TARDBP: variants seen among roughly 807,000 people sequenced by gnomAD.
TARDBP encodes the protein TAR DNA-binding protein 43.
A neutral mutation model predicts 38.3 loss-of-function variants in TARDBP; 4 were observed. That is an observed-to-expected ratio of 0.10 (90% CI 0.05 to 0.24). TARDBP has a LOEUF of 0.24. Among genes scored for constraint, TARDBP ranks in the 10% least tolerant of loss-of-function variants. The pLI is 1.00. For missense variants in TARDBP, 202 were observed against 521.9 expected, an observed-to-expected ratio of 0.39 and a Z score of 5.97; for synonymous variants, 184 against 183.8, an observed-to-expected ratio of 1.00 and a Z score of -0.01.
downstream of TARDBP, chr1:11,025,871 TTTG>T (rs368784342): frequency 2.4e-3 from 373 of 154,816 alleles, 1 homozygote; most frequent in South Asian, 6.7e-3. Context: ...TAAGAATGAT[TTTG>T]TTGTTGTTGA....
chr1:11,013,385 T>C (rs1234492089), intron 1 of TARDBP, among the ~76,000 whole-genome samples: 2 of 152,230 alleles, frequency 1.3e-5, no homozygotes, highest in Non-Finnish European at 2.9e-5. Flanking sequence ...CCGATTGTCA[T>C]AAAATAGCTA....
downstream of TARDBP, chr1:11,030,020 G>T: frequency 1.7e-6 from 1 of 577,920 alleles, no homozygotes; most frequent in Non-Finnish European, 3.1e-6. Flanking sequence ...TATGGGAAGG[G>T]GGTAATGAGA....
chr1:11,023,583 G>A lies in TARDBP; in HGVS notation c.*929G>A. ...TCTCAATCCTGTGGCTTTGGTGAGA[G>A]AGTGTGCAGAGAGCAATGATAGCAA... On this transcript the variant is annotated 3_prime_UTR_variant, in exon 6 of 6. Transcript: ENST00000240185. 1 of 385,608 alleles carries A rather than the reference G, an allele frequency of 2.6e-6. No homozygotes were observed. The highest frequency in any genetic ancestry group is 4.6e-6 in the Non-Finnish European group (1 of 215,126). The allele number at this position is 385,608 out of a possible 1,614,324, so 23.9% of individuals were successfully genotyped here. A position where few individuals can be genotyped will look rare whatever the true frequency, so the allele number is the denominator to read the frequency against.
At position 11,022,225 on chromosome 1, in the gene TARDBP, A is replaced by G. The variant is rs1643652323; in HGVS notation, c.816A>G (p.Arg272=). ...ACAATAGCAATAGACAGTTAGAAAG[A>G]AGTGGAAGATTTGGTGGTAATCCAG... ...PKHNSNRQLE[R]SGRFGGNPGG... is the part of the protein sequence containing the mutation. Residue 272 remains arginine (R), a synonymous_variant, in exon 6 of 6, where the codon AGA becomes AGG. Transcript: ENST00000240185. The surrounding 1 kb of genome is among the most constrained non-coding windows in gnomAD (Gnocchi z 4.5). 1 of 1,613,858 alleles carries G rather than the reference A, an allele frequency of 6.2e-7. No individual in the cohort carries two copies. Among genetic ancestry groups the G allele is most frequent in the Non-Finnish European group, 8.5e-7 (1 of 1,179,884 alleles).
downstream of TARDBP, chr1:11,029,964 AAG>A: frequency 2.1e-6 from 1 of 465,976 alleles, no homozygotes; most frequent in East Asian, 3.8e-5. Context: ...TATAAGGTCA[AAG>A]AGAATCAAAT....
chr1:11,030,389 T>C, downstream of TARDBP: 1 of 631,456 alleles, frequency 1.6e-6, no homozygotes, highest in Non-Finnish European at 2.8e-6. Flanking sequence ...TTTACATGAT[T>C]TCATAAATAG....
At chr1:11,021,384 G>T (rs1337209559) in intron 5 of TARDBP, among the ~76,000 whole-genome samples, 2 of 151,252 alleles carry the variant, frequency 1.3e-5, no homozygotes, top group Admixed American at 1.3e-4. Flanking sequence ...CAGGTGATCT[G>T]CCCATCTCAG....
downstream of TARDBP, chr1:11,025,854 G>C (rs949952016): frequency 1.3e-5 from 2 of 154,826 alleles, no homozygotes; most frequent in African/African-American, 4.8e-5. Flanking sequence ...GAGATAATGT[G>C]TAACAGTAAG....
chr1:11,023,383 C>T lies in TARDBP; in HGVS notation c.*729C>T. The T allele has an allele frequency of 1.0e-6, 1 of 976,322 alleles. No individual in the cohort carries two copies. Among genetic ancestry groups the T allele is most frequent in the East Asian group, 2.6e-5 (1 of 37,836 alleles). The allele number at this position is 976,322 out of a possible 1,614,324, so 60.5% of individuals were successfully genotyped here. On this transcript the variant is annotated 3_prime_UTR_variant, in exon 6 of 6. Coordinates refer to ENST00000240185, the MANE Select transcript of TARDBP (RefSeq NM_007375.4). ...TTTATTTCATGGAGTCGTATCAACG[C>T]TATGAACGCAAGGCTGTGATATGGA...
chr1:11,027,112 C>A (rs767658499), downstream of TARDBP: 18 of 1,609,914 alleles, frequency 1.1e-5, no homozygotes, highest in East Asian at 4.5e-5. Context: ...TTAGCAGTTA[C>A]ACTTCCCCTT....
chr1:11,018,571 A>C, intron 3 of TARDBP, 162 bp from the exon 4 acceptor site: 2 of 891,054 alleles, frequency 2.2e-6, no homozygotes, highest in South Asian at 2.9e-5. Flanking sequence ...TATGGATTCA[A>C]TATTAACCTC....
At chr1:11,030,081 A>G (rs976795236), downstream of TARDBP, 11 of 851,806 alleles carry the variant, frequency 1.3e-5, no homozygotes, top group Admixed American at 2.4e-5. Flanking sequence ...CTGAAGTTAC[A>G]TTTCTGCCTA....
chr1:11,029,827 G>A (rs1176942982), downstream of TARDBP: 6 of 167,564 alleles, frequency 3.6e-5, no homozygotes, highest in Non-Finnish European at 7.7e-5. Context: ...TATTAGAGAC[G>A]GGGTTTCTCC....
chr1:11,022,315 T>A lies in TARDBP; in HGVS notation c.906T>A (p.Asn302Lys). 1.2e-6 allele frequency: 2 copies of A among 1,613,844 alleles called. No homozygotes were observed. Among genetic ancestry groups the A allele is most frequent in the South Asian group, 1.1e-5 (1 of 91,072 alleles). The change falls in exon 6 of 6, where the codon AAT becomes AAA. Residue 302 changes from asparagine (N) to lysine (K), a missense_variant. Asn to Lys is a moderately conservative substitution (Grantham distance 94). Around this residue, in one of 5 missense-constraint regions of TARDBP, gnomAD observed 107 missense variants for 190.5 expected, o/e 0.56. Transcript: ENST00000240185. The surrounding 1 kb of genome is among the most constrained non-coding windows in gnomAD (Gnocchi z 4.5). ...SRGGGAGLGNNQGSNMGGGMN... is the reference protein window; with the variant it reads ...SRGGGAGLGNKQGSNMGGGMN... ...GGGGTGGAGCTGGTTTGGGAAACAA[T>A]CAAGGTAGTAATATGGGTGGTGGGA...
At chr1:11,028,862 C>G (rs866859322), downstream of TARDBP, among the ~76,000 whole-genome samples, 1 of 146,092 alleles carries the variant, frequency 6.8e-6, no homozygotes, top group South Asian at 2.2e-4. Context: ...TACAGGCACA[C>G]GCCACCACAC....
downstream of TARDBP, among the ~76,000 whole-genome samples, chr1:11,029,133 C>T (rs1221514903): frequency 6.7e-6 from 1 of 150,156 alleles, no homozygotes; most frequent in Non-Finnish European, 1.5e-5. Context: ...GCTGGGACTA[C>T]AGGCGCCTGC....
At chr1:11,016,738 C>T (rs1348127353) in intron 2 of TARDBP, 106 bp from the exon 3 acceptor site, 9 of 1,207,192 alleles carry the variant, frequency 7.5e-6, no homozygotes, top group Non-Finnish European at 1.1e-5. Flanking sequence ...GTGTCTTATT[C>T]TTCTTAGAGT....
Position 11,019,363 on chromosome 1 carries a change from C to A in TARDBP, c.543+490C>A, listed in dbSNP as rs532389866. Reference sequence around the variant, plus strand: ...ATCAGTCAGCAGCAGACCTCGTGTACAGCAGTGGTCCCATAGGATTATAAC... The same window carrying A: ...ATCAGTCAGCAGCAGACCTCGTGTAAAGCAGTGGTCCCATAGGATTATAAC... On this transcript the variant is annotated intron_variant, in intron 4 of 5. Coordinates refer to ENST00000240185, the MANE Select transcript of TARDBP (RefSeq NM_007375.4). Among the ~76,000 whole-genome samples the A allele has an allele frequency of 1.5e-4, 23 of 152,292 alleles. 1 individual carries two copies. The South Asian group carries it at 4.6e-3, about 30-fold the overall frequency.
chr1:11,014,883 C>G (rs1643484123), intron 2 of TARDBP, among the ~76,000 whole-genome samples: 1 of 151,892 alleles, frequency 6.6e-6, no homozygotes. Flanking sequence ...TTGCAGTGAG[C>G]AGAGATTGTG....
Sources: gnomAD v4.1 joint callset for allele counts (sites outside exome capture counted in the v4.1 genomes callset) on GRCh38, gnomAD v4.1.1 for gene constraint, gnomAD v4.1.1 regional missense constraint, Gnocchi (gnomAD v3.1) non-coding constraint, MANE v1.5 for transcripts, NCBI Gene and HGNC (gene_info 2026-07-23, HGNC 2026-07-21) for gene names.